ANKRD44: variants seen among roughly 807,000 people sequenced by gnomAD.
ANKRD44 encodes ankyrin repeat domain 44.
In ANKRD44, 35 loss-of-function variants were observed where a neutral mutation model predicts 116.0. The observed-to-expected ratio is 0.30, with a 90% CI of 0.23 to 0.40. ANKRD44 has a LOEUF of 0.40. Ranked by LOEUF, ANKRD44 falls within the 10% of genes least tolerant of loss-of-function variation. The pLI is 1.00. For missense variants in ANKRD44, 1,014 were observed against 1,242.6 expected (o/e 0.82, Z 2.77); for synonymous variants, 435 against 461.8 (o/e 0.94, Z 0.74).
At chr2:197,142,215 C>T (rs901121515) in intron 3 of ANKRD44, among the ~76,000 whole-genome samples, 3 of 152,094 alleles carry the variant, frequency 2.0e-5, no homozygotes, top group African/African-American at 7.2e-5. Flanking sequence ...GGCATCTTTT[C>T]CAGAGGCAAT....
rs2697316 is a variant in ANKRD44 at position 197,201,734 on chromosome 2, C to T, written c.28-14628G>A. ...TGTGCAGGTTTGTTACACAGGTATA[C>T]TGTGTGATGCTAAGGTTTGGGCTTC... On this transcript the variant is annotated intron_variant, in intron 1 of 27. Transcript: ENST00000282272. The surrounding 1 kb of genome is among the most constrained non-coding windows in gnomAD (Gnocchi z 4.0). Among the ~76,000 whole-genome samples the T allele has an allele frequency of 0.95, 144,860 of 152,302 alleles. 68,963 individuals are homozygous for T. Among genetic ancestry groups the T allele is most frequent in the East Asian group, 1 (5,184 of 5,192 alleles).
chr2:197,023,589 C>T (rs1434696834), intron 17 of ANKRD44, among the ~76,000 whole-genome samples: 2 of 151,974 alleles, frequency 1.3e-5, no homozygotes, highest in East Asian at 1.9e-4. Context: ...AAAAGAAGAA[C>T]GAGAGATGAT....
At chr2:197,008,432 C>T (rs1173903217) in intron 19 of ANKRD44, among the ~76,000 whole-genome samples, 3 of 152,234 alleles carry the variant, frequency 2.0e-5, no homozygotes, top group Non-Finnish European at 2.9e-5. Flanking sequence ...CACTGATTCA[C>T]ATGCCTGGGG....
intron 21 of ANKRD44, among the ~76,000 whole-genome samples, chr2:196,972,302 C>G (rs2075721362): frequency 6.6e-6 from 1 of 152,198 alleles, no homozygotes; most frequent in African/African-American, 2.4e-5. Context: ...CTCCCAGGTT[C>G]AAGCAATTCG....
chr2:197,178,722 C>T (rs2080429854), intron 2 of ANKRD44, among the ~76,000 whole-genome samples: 1 of 152,174 alleles, frequency 6.6e-6, no homozygotes, highest in Non-Finnish European at 1.5e-5. Context: ...GAAAGTCCTT[C>T]CCCATACCAA....
intron 1 of ANKRD44, among the ~76,000 whole-genome samples, chr2:197,206,215 G>A (rs2081201389): frequency 6.6e-6 from 1 of 152,116 alleles, no homozygotes; most frequent in South Asian, 2.1e-4. Context: ...TAGAGATGAT[G>A]TTTTTTCACT....
rs1426507983 is a variant in ANKRD44 at position 197,013,650 on chromosome 2, G to A, written c.1785C>T (p.Ile595=). ...VLLQSLVDLD[I]RDEKGRTALD... ...GAGCAGTGCGGCCTTTCTCATCCCT[G>A]ATGTCCAGGTCCACCAACGACTGCA... Residue 595 remains isoleucine, a synonymous_variant, in exon 18 of 28, where the codon ATC becomes ATT. Transcript: ENST00000282272. The A allele has an allele frequency of 6.2e-7, 1 of 1,614,040 alleles. No homozygotes were observed.
chr2:197,066,091 A>T lies in ANKRD44; in HGVS notation c.1650+12612T>A, dbSNP rs568309695. Among the ~76,000 whole-genome samples the T allele has an allele frequency of 3.3e-5, 5 of 152,354 alleles. No individual in the cohort carries two copies. The South Asian group carries it at 1.0e-3, about 32-fold the overall frequency. Reference sequence around the variant, plus strand: ...CAGCACATCAAAAAGCTTATTCACGATGATCAAGTGGGCTTCATCCCTGGG... The same window carrying T: ...CAGCACATCAAAAAGCTTATTCACGTTGATCAAGTGGGCTTCATCCCTGGG... On this transcript the variant is annotated intron_variant, in intron 16 of 27. Coordinates refer to ENST00000282272, the MANE Select transcript of ANKRD44 (RefSeq NM_001195144.2).
intron 16 of ANKRD44, among the ~76,000 whole-genome samples, chr2:197,041,801 A>G (rs2076916561): frequency 6.6e-6 from 1 of 152,188 alleles, no homozygotes; most frequent in South Asian, 2.1e-4. Flanking sequence ...CTCTTCAAAA[A>G]TAAATCTCAC....
At chr2:197,261,687 T>C (rs1342199884) in intron 1 of ANKRD44, among the ~76,000 whole-genome samples, 1 of 152,222 alleles carries the variant, frequency 6.6e-6, no homozygotes, top group Non-Finnish European at 1.5e-5. Flanking sequence ...CTGCTGAGCC[T>C]TCTGAAAAGT....
At chr2:196,969,616 T>C (rs2075701048) in intron 21 of ANKRD44, among the ~76,000 whole-genome samples, 2 of 152,250 alleles carry the variant, frequency 1.3e-5, no homozygotes, top group South Asian at 4.1e-4. Context: ...TAGTGGCATC[T>C]ACATTGCTAG....
intron 1 of ANKRD44, among the ~76,000 whole-genome samples, chr2:197,270,906 C>T (rs1423787361): frequency 6.6e-6 from 1 of 152,162 alleles, no homozygotes; most frequent in East Asian, 1.9e-4. Context: ...TCTTGGCACA[C>T]ATCACTACAG....
At chr2:197,233,321 T>C (rs1410634907) in intron 1 of ANKRD44, among the ~76,000 whole-genome samples, 1 of 152,212 alleles carries the variant, frequency 6.6e-6, no homozygotes, top group Non-Finnish European at 1.5e-5. Context: ...GGTGCCACAA[T>C]TTCTTCCCAG....
At chr2:197,006,782 G>A (rs2076210019) in intron 20 of ANKRD44, among the ~76,000 whole-genome samples, 1 of 152,098 alleles carries the variant, frequency 6.6e-6, no homozygotes, top group African/African-American at 2.4e-5. Context: ...ATTTCTGCTT[G>A]TGTTTACTTA....
At chr2:197,081,583 C>T in intron 15 of ANKRD44, 62 bp downstream of exon 15, 12 of 1,490,320 alleles carry the variant, frequency 8.1e-6, no homozygotes, top group Non-Finnish European at 1.1e-5. Context: ...AACGTGGCAA[C>T]TCAGAAAAGC....
At chr2:197,055,703 C>CT (rs2077190685) in intron 16 of ANKRD44, among the ~76,000 whole-genome samples, 2 of 152,204 alleles carry the variant, frequency 1.3e-5, no homozygotes, top group Admixed American at 1.3e-4. Flanking sequence ...CTCTACTGAA[C>CT]TACTATGCAC....
intron 26 of ANKRD44, 27 bp downstream of exon 26, chr2:196,995,352 A>C: frequency 6.5e-7 from 1 of 1,548,812 alleles, no homozygotes. Flanking sequence ...CCCTGGGTTC[A>C]AGTCCAACTT....
At chr2:197,065,905 C>T (rs964873229) in intron 16 of ANKRD44, among the ~76,000 whole-genome samples, 2 of 152,098 alleles carry the variant, frequency 1.3e-5, no homozygotes, top group African/African-American at 4.8e-5. Context: ...TTCCAATCAA[C>T]AGAAAAAGAA....
intron 2 of ANKRD44, among the ~76,000 whole-genome samples, chr2:197,175,695 C>T (rs1043818377): frequency 6.6e-6 from 1 of 152,128 alleles, no homozygotes; most frequent in African/African-American, 2.4e-5. Flanking sequence ...CAAGAAAGTA[C>T]ACAATGAAGT....
Sources: gnomAD v4.1 joint callset for allele counts (sites outside exome capture counted in the v4.1 genomes callset) on GRCh38, gnomAD v4.1.1 for gene constraint, Gnocchi (gnomAD v3.1) non-coding constraint, MANE v1.5 for transcripts, NCBI Gene and HGNC (gene_info 2026-07-23, HGNC 2026-07-21) for gene names.